KIF6: variants seen among roughly 807,000 people sequenced by gnomAD.
KIF6 encodes kinesin family member 6.
Under a neutral mutation model 112.7 loss-of-function variants are expected in KIF6, and 106 were observed. The ratio of observed to expected loss-of-function variants is 0.94; its 90% CI spans 0.80 to 1.11. The LOEUF is 1.11. Among genes scored for constraint, KIF6 ranks in the 50% least tolerant of loss-of-function variants. The pLI is 0.00. For synonymous variants in KIF6, 339 were observed against 339.9 expected, an observed-to-expected ratio of 1.00 and a Z score of 0.03; for missense variants, 929 against 964.0, an observed-to-expected ratio of 0.96 and a Z score of 0.48.
chr6:39,491,194 G>T (rs1775463473), intron 13 of KIF6, among the ~76,000 whole-genome samples: 1 of 152,038 alleles, frequency 6.6e-6, no homozygotes, highest in Non-Finnish European at 1.5e-5. Flanking sequence ...TTGTTAGCTG[G>T]AATACTAACT....
At chr6:39,724,121 T>C (rs2113915513) in intron 1 of KIF6, among the ~76,000 whole-genome samples, 1 of 152,270 alleles carries the variant, frequency 6.6e-6, no homozygotes, top group East Asian at 1.9e-4. Flanking sequence ...TATGCTCCCT[T>C]CTAGGCAGAA....
chr6:39,446,515 T>C (rs1236282416), intron 13 of KIF6, among the ~76,000 whole-genome samples: 1 of 152,204 alleles, frequency 6.6e-6, no homozygotes, highest in Non-Finnish European at 1.5e-5. Context: ...TTTTTTTAGA[T>C]GGAGTTTCAC....
At chr6:39,710,797 A>G (rs1209340661) in intron 3 of KIF6, among the ~76,000 whole-genome samples, 4 of 152,118 alleles carry the variant, frequency 2.6e-5, no homozygotes, top group Non-Finnish European at 5.9e-5. Context: ...ATTATTTAGG[A>G]GGCCGAGGTG....
chr6:39,679,616 T>TTTC (rs1491079891), intron 3 of KIF6, among the ~76,000 whole-genome samples: 69 of 9,762 alleles, frequency 7.1e-3, no homozygotes, highest in African/African-American at 8.1e-3. Flanking sequence ...TTTCTTTTCT[T>TTTC]TTTTTTTTTT....
chr6:39,478,409 T>C (rs768209288), intron 13 of KIF6, among the ~76,000 whole-genome samples: 5 of 152,164 alleles, frequency 3.3e-5, no homozygotes, highest in Non-Finnish European at 5.9e-5. Context: ...TTCCATCATA[T>C]ATATATCATG....
chr6:39,661,250 T>C (rs189290744), intron 3 of KIF6, among the ~76,000 whole-genome samples: 66 of 152,312 alleles, frequency 4.3e-4, no homozygotes, highest in Non-Finnish European at 8.2e-4. Context: ...TTCACCAAGA[T>C]TCACTTCTAT....
chr6:39,430,460 T>G (rs1771072483), intron 14 of KIF6, among the ~76,000 whole-genome samples: 1 of 152,200 alleles, frequency 6.6e-6, no homozygotes, highest in South Asian at 2.1e-4. Context: ...TTTGCTACAG[T>G]TTGAGGATAT....
At position 39,723,937 on chromosome 6, in the gene KIF6, G is replaced by C. The variant is rs542966690; in HGVS notation, c.66+1308C>G. 3.9e-5 allele frequency among the ~76,000 whole-genome samples: 6 copies of C among 152,126 alleles called. 1 individual carries two copies. In the South Asian group the frequency reaches 1.2e-3, roughly 32 times the overall value. On this transcript the variant is annotated intron_variant, in intron 1 of 22. Transcript: ENST00000287152. ...TCTAAAATTGAAAAAAAAAATTACAGCTATGCCACTCCCCAGCTGGGTGCC... is the reference window on the plus strand; with the variant it reads ...TCTAAAATTGAAAAAAAAAATTACACCTATGCCACTCCCCAGCTGGGTGCC...
At chr6:39,652,709 A>G (rs1433734963) in intron 3 of KIF6, among the ~76,000 whole-genome samples, 1 of 152,138 alleles carries the variant, frequency 6.6e-6, no homozygotes, top group Admixed American at 6.6e-5. Context: ...TAGGCAATCT[A>G]TTCTGAGACT....
intron 16 of KIF6, among the ~76,000 whole-genome samples, chr6:39,374,716 A>G (rs924737079): frequency 5.9e-5 from 9 of 152,192 alleles, no homozygotes; most frequent in African/African-American, 1.9e-4. Flanking sequence ...AAGAAAGATG[A>G]AAGATAAGTG....
chr6:39,547,474 CAT>C (rs566706657), intron 10 of KIF6, among the ~76,000 whole-genome samples: 115 of 152,220 alleles, frequency 7.6e-4, no homozygotes, highest in Middle Eastern at 3.4e-3. Flanking sequence ...TATGAAAACA[CAT>C]GTTTATGAAC....
chr6:39,371,612 C>T (rs1399887705), intron 16 of KIF6, among the ~76,000 whole-genome samples: 3 of 151,552 alleles, frequency 2.0e-5, no homozygotes, highest in Non-Finnish European at 4.4e-5. Flanking sequence ...ATGCTTCCTG[C>T]CTTGCTGCAG....
At chr6:39,420,441 G>C (rs1770266953) in intron 14 of KIF6, among the ~76,000 whole-genome samples, 1 of 152,052 alleles carries the variant, frequency 6.6e-6, no homozygotes, top group South Asian at 2.1e-4. Context: ...GACAAATCTG[G>C]CCTGCTGCCT....
chr6:39,385,435 C>T (rs1767331089), intron 16 of KIF6, among the ~76,000 whole-genome samples, 187 bp downstream of exon 16: 2 of 152,130 alleles, frequency 1.3e-5, no homozygotes, highest in Admixed American at 6.6e-5. Context: ...CGCAAGAACA[C>T]AGGCTGGGGA....
At chr6:39,496,362 C>T (rs1775782418) in intron 13 of KIF6, among the ~76,000 whole-genome samples, 1 of 152,120 alleles carries the variant, frequency 6.6e-6, no homozygotes, top group Non-Finnish European at 1.5e-5. Context: ...GATAGAATTG[C>T]TAACGTTTTT....
intron 7 of KIF6, among the ~76,000 whole-genome samples, chr6:39,589,275 T>C (rs1332192471): frequency 6.6e-6 from 1 of 152,238 alleles, no homozygotes; most frequent in Non-Finnish European, 1.5e-5. Context: ...CTGGACACCC[T>C]ATCAAAAATA....
chr6:39,374,557 T>C (rs1442769671), intron 16 of KIF6, among the ~76,000 whole-genome samples: 2 of 151,914 alleles, frequency 1.3e-5, no homozygotes, highest in Non-Finnish European at 2.9e-5. Flanking sequence ...ATTAAAAAAA[T>C]GGGCAAAGGA....
chr6:39,426,870 G>A (rs1371947765), intron 14 of KIF6, among the ~76,000 whole-genome samples: 1 of 152,110 alleles, frequency 6.6e-6, no homozygotes, highest in Admixed American at 6.5e-5. Flanking sequence ...AGAGATTGTG[G>A]GTCACCAATA....
intron 13 of KIF6, among the ~76,000 whole-genome samples, chr6:39,503,938 C>T (rs1776286466): frequency 6.6e-6 from 1 of 151,836 alleles, no homozygotes; most frequent in African/African-American, 2.4e-5. Flanking sequence ...CAAAGAAGAG[C>T]AGGTGCCATT....
Sources: allele counts gnomAD v4.1 joint callset (sites outside exome capture counted in the v4.1 genomes callset), GRCh38; gene constraint gnomAD v4.1.1; transcripts MANE v1.5; gene names NCBI Gene and HGNC (gene_info 2026-07-23, HGNC 2026-07-21).